Variants in USP9X observed in about 807,000 individuals in gnomAD.
The protein encoded by USP9X is ubiquitin specific peptidase 9 X-linked.
Under a neutral mutation model 190.3 loss-of-function variants are expected in USP9X, and 7 were observed. The ratio of observed to expected loss-of-function variants is 0.04; its 90% confidence interval spans 0.02 to 0.07. USP9X has a LOEUF of 0.07. Ranked by LOEUF, USP9X falls within the 10% of genes least tolerant of loss-of-function variation. The pLI is 1.00. For missense variants in USP9X, 1,010 were observed against 1,916.9 expected, an observed-to-expected ratio of 0.53 and a Z score of 8.83; for synonymous variants, 645 against 659.5, an observed-to-expected ratio of 0.98 and a Z score of 0.34.
chrX:41,184,847 A>C (rs1204254482), intron 23 of USP9X, 172 bp downstream of exon 23: 1 of 415,755 alleles, frequency 2.4e-6, no homozygotes, highest in Non-Finnish European at 4.0e-6. Context: ...TTTCGCTGAC[A>C]GCTGATAATC....
intron 33 of USP9X, among the ~76,000 whole-genome samples, chrX:41,213,531 GA>G (rs1051420982): frequency 5.4e-5 from 6 of 111,860 alleles, no homozygotes; most frequent in Non-Finnish European, 9.4e-5. Context: ...TTCAATTTAT[GA>G]TGGGTTTATT....
At chrX:41,157,062 A>G (rs1218131526) in intron 14 of USP9X, among the ~76,000 whole-genome samples, 1 of 112,058 alleles carries the variant, frequency 8.9e-6, no homozygotes, top group Non-Finnish European at 1.9e-5. Flanking sequence ...GACAAATTGA[A>G]AACATTCCCC....
At chrX:41,184,283 A>T in intron 22 of USP9X, 114 bp from the exon 23 acceptor site, 1 of 1,002,910 alleles carries the variant, frequency 1.0e-6, no homozygotes, top group Non-Finnish European at 1.3e-6. Flanking sequence ...AATTTGAAAT[A>T]AATAATAGTG....
chrX:41,147,178 T>G (rs941643517), intron 11 of USP9X, among the ~76,000 whole-genome samples: 5 of 110,311 alleles, frequency 4.5e-5, no homozygotes, highest in Non-Finnish European at 7.6e-5. Flanking sequence ...ACAGAAGGTT[T>G]TTTTTTTTTT....
intron 12 of USP9X, among the ~76,000 whole-genome samples, chrX:41,149,133 C>T (rs1265543213): frequency 1.8e-5 from 2 of 111,802 alleles, no homozygotes; most frequent in Non-Finnish European, 3.8e-5. Flanking sequence ...CCAAGAAAAG[C>T]TCAGGAAGGT....
chrX:41,114,212 A>T (rs997881687), intron 1 of USP9X, among the ~76,000 whole-genome samples: 1 of 111,896 alleles, frequency 8.9e-6, no homozygotes, highest in African/African-American at 3.3e-5. Flanking sequence ...ACATTACGGG[A>T]CTCATGAAGT....
chrX:41,158,624 G>T (rs2062600350), intron 14 of USP9X, among the ~76,000 whole-genome samples: 1 of 111,367 alleles, frequency 9.0e-6, no homozygotes, highest in Non-Finnish European at 1.9e-5. Flanking sequence ...ATCAGACAGA[G>T]TGTTCCGAAT....
chrX:41,097,907 A>AG (rs1452746919), intron 1 of USP9X, among the ~76,000 whole-genome samples: 1 of 111,898 alleles, frequency 8.9e-6, no homozygotes, highest in African/African-American at 3.2e-5. Context: ...GACTGCCAAG[A>AG]GAAGATGTGA....
chrX:41,106,522 A>ATTTTTTT (rs35038623), intron 1 of USP9X, among the ~76,000 whole-genome samples: 4 of 58,787 alleles, frequency 6.8e-5, no homozygotes, highest in Non-Finnish European at 9.2e-5. Flanking sequence ...TTCTGAATTA[A>ATTTTTTT]TTTTTTTTTT....
intron 28 of USP9X, 90 bp from the exon 29 acceptor site, chrX:41,197,274 G>T: frequency 1.6e-6 from 1 of 627,684 alleles, no homozygotes; most frequent in Non-Finnish European, 2.4e-6. Flanking sequence ...GCTCTGTCTC[G>T]TTCTGGCTCC....
chrX:41,152,389 A>G (rs1410106142), intron 13 of USP9X, among the ~76,000 whole-genome samples: 2 of 111,805 alleles, frequency 1.8e-5, no homozygotes, highest in Non-Finnish European at 3.8e-5. Flanking sequence ...AGTGGATGTG[A>G]AAGTTGATTG....
chrX:41,222,032 C>T (rs188960184), intron 38 of USP9X, among the ~76,000 whole-genome samples: 1 of 111,213 alleles, frequency 9.0e-6, no homozygotes, highest in African/African-American at 3.3e-5. Flanking sequence ...TGAGGGGAAA[C>T]ACAGGAGGAG....
intron 30 of USP9X, among the ~76,000 whole-genome samples, chrX:41,199,287 A>AT (rs1430114588): frequency 8.8e-6 from 1 of 113,071 alleles, no homozygotes; most frequent in African/African-American, 3.2e-5. Flanking sequence ...GTGGCATCCT[A>AT]TAAGTGGTGT....
At chrX:41,114,703 C>T (rs1252663653) in intron 1 of USP9X, among the ~76,000 whole-genome samples, 2 of 107,593 alleles carry the variant, frequency 1.9e-5, no homozygotes, top group East Asian at 6.0e-4. Flanking sequence ...AGGCCGGTCT[C>T]AAACTCCTGA....
At chrX:41,155,907 A>G (rs2062574538) in intron 14 of USP9X, among the ~76,000 whole-genome samples, 2 of 112,297 alleles carry the variant, frequency 1.8e-5, no homozygotes, top group Middle Eastern at 4.6e-3. Flanking sequence ...TGACATGTCA[A>G]AAGGACACAG....
At chrX:41,181,589 C>T (rs2062827536) in intron 21 of USP9X, among the ~76,000 whole-genome samples, 1 of 108,085 alleles carries the variant, frequency 9.3e-6, no homozygotes, top group South Asian at 4.1e-4. Context: ...GCTGGGATTA[C>T]AGATGGACGC....
chrX:41,234,092 T>C lies in USP9X; in HGVS notation c.*1568T>C, dbSNP rs2063384251. The C allele has an allele frequency of 9.3e-6, 1 of 107,661 alleles. No homozygotes were observed. Among genetic ancestry groups the C allele is most frequent in the Admixed American group, 1.0e-4 (1 of 9,906 alleles). The allele number at this position is 107,661 out of a possible 1,213,427, so 8.9% of individuals were successfully genotyped here. On this transcript the variant is annotated 3_prime_UTR_variant, in exon 45 of 45. Coordinates refer to ENST00000378308, the MANE Select transcript of USP9X (RefSeq NM_001039591.3). Reference sequence around the variant, plus strand: ...GGACTGCATATTAAAATTCATTCTGTGCATAGCATGCCTAGGCATGACACT... The same window carrying C: ...GGACTGCATATTAAAATTCATTCTGCGCATAGCATGCCTAGGCATGACACT...
intron 17 of USP9X, 39 bp downstream of exon 17, chrX:41,167,616 C>A: frequency 2.0e-6 from 2 of 991,082 alleles, no homozygotes; most frequent in East Asian, 3.2e-5. Context: ...ATATATAATT[C>A]TTTCGGCCCC....
chrX:41,085,827 C>G lies in USP9X; in HGVS notation c.-441C>G. 1 of 298,611 alleles carries G rather than the reference C, an allele frequency of 3.3e-6. No individual in the cohort carries two copies. The highest frequency in any genetic ancestry group is 4.7e-5 in the East Asian group (1 of 21,065). The allele number at this position is 298,611 out of a possible 1,213,427, so 24.6% of individuals were successfully genotyped here. A position where few individuals can be genotyped will look rare whatever the true frequency, so the allele number is the denominator to read the frequency against. On this transcript the variant is annotated 5_prime_UTR_variant, in exon 1 of 45. Transcript: ENST00000378308. The stretch of plus-strand genomic sequence containing the variant: ...GGAGCCCGTCTGAGCTCAGCGAGAG[C>G]CCCAGCCTGAGGGGAGAAGGGGAAG...
Sources: allele counts gnomAD v4.1 joint callset (sites outside exome capture counted in the v4.1 genomes callset), GRCh38; gene constraint gnomAD v4.1.1; transcripts MANE v1.5; gene names NCBI Gene and HGNC (gene_info 2026-07-23, HGNC 2026-07-21).